HS6ST3: variants seen among roughly 807,000 people sequenced by gnomAD.
HS6ST3 encodes heparan-sulfate 6-O-sulfotransferase 3.
A neutral mutation model predicts 36.7 loss-of-function variants in HS6ST3; 12 were observed. The ratio of observed to expected loss-of-function variants is 0.33; its 90% CI spans 0.21 to 0.53. The LOEUF is 0.53. Among genes scored for constraint, HS6ST3 ranks in the 20% least tolerant of loss-of-function variants. The pLI is 0.95. For synonymous variants in HS6ST3, 240 were observed against 257.5 expected (o/e 0.93, Z 0.65); for missense variants, 584 against 640.9 (o/e 0.91, Z 0.96).
chr13:96,294,284 A>G (rs1035747558), intron 1 of HS6ST3, among the ~76,000 whole-genome samples: 56 of 152,212 alleles, frequency 3.7e-4, no homozygotes, highest in African/African-American at 1.4e-3. Flanking sequence ...ATTTCTATAT[A>G]GGTATCTTGA....
At chr13:96,174,077 G>GT (rs945997380) in intron 1 of HS6ST3, among the ~76,000 whole-genome samples, 2 of 152,068 alleles carry the variant, frequency 1.3e-5, no homozygotes, top group Non-Finnish European at 2.9e-5. Flanking sequence ...TGGGAAACAG[G>GT]TTATAAGTGA....
chr13:96,816,907 T>A (rs75596621), intron 1 of HS6ST3, among the ~76,000 whole-genome samples: 1 of 152,314 alleles, frequency 6.6e-6, no homozygotes, highest in Non-Finnish European at 1.5e-5. Flanking sequence ...TCGTGTTCTC[T>A]CTTCTGCTGG....
intron 1 of HS6ST3, among the ~76,000 whole-genome samples, chr13:96,408,277 T>C (rs963037160): frequency 6.6e-5 from 10 of 152,022 alleles, no homozygotes; most frequent in African/African-American, 2.4e-4. Context: ...GTATGATCAA[T>C]TCCCCTCCCC....
chr13:96,443,187 T>C (rs918571393), intron 1 of HS6ST3, among the ~76,000 whole-genome samples: 2 of 148,650 alleles, frequency 1.3e-5, no homozygotes. Context: ...TGAAAAATGA[T>C]TTTTTTTGTA....
chr13:96,689,648 G>A (rs1874888658), intron 1 of HS6ST3, among the ~76,000 whole-genome samples: 1 of 123,432 alleles, frequency 8.1e-6, no homozygotes, highest in Non-Finnish European at 1.6e-5. Flanking sequence ...ATTGGCATAT[G>A]AAAATAAGAA....
intron 1 of HS6ST3, among the ~76,000 whole-genome samples, chr13:96,116,135 A>G (rs2083152985): frequency 6.6e-6 from 1 of 152,212 alleles, no homozygotes; most frequent in Admixed American, 6.5e-5. Context: ...GGTGACAGGA[A>G]GAGTCATAAG....
intron 1 of HS6ST3, among the ~76,000 whole-genome samples, chr13:96,478,686 A>G (rs2055875760): frequency 1.3e-5 from 2 of 152,154 alleles, no homozygotes; most frequent in African/African-American, 4.8e-5. Flanking sequence ...CCTCTCACTC[A>G]GTGCCTGTTT....
At chr13:96,168,629 A>C (rs893509197) in intron 1 of HS6ST3, among the ~76,000 whole-genome samples, 1 of 151,154 alleles carries the variant, frequency 6.6e-6, no homozygotes, top group African/African-American at 2.4e-5. Context: ...GCTAGACCCC[A>C]GGTAGAGACT....
intron 1 of HS6ST3, among the ~76,000 whole-genome samples, chr13:96,126,715 A>G (rs552342398): frequency 1.3e-5 from 2 of 152,330 alleles, no homozygotes; most frequent in Non-Finnish European, 2.9e-5. Context: ...GTACTCCCCA[A>G]TCTGCGACTC....
intron 1 of HS6ST3, among the ~76,000 whole-genome samples, chr13:96,394,197 C>T (rs1440994152): frequency 6.6e-6 from 1 of 152,096 alleles, no homozygotes; most frequent in Non-Finnish European, 1.5e-5. Flanking sequence ...GTAGCTGAGG[C>T]CCGTTTACAT....
At chr13:96,689,562 G>A (rs909312622) in intron 1 of HS6ST3, among the ~76,000 whole-genome samples, 3 of 149,180 alleles carry the variant, frequency 2.0e-5, no homozygotes, top group African/African-American at 4.9e-5. Context: ...TTGCTTAGTC[G>A]TCAGGATCAC....
At chr13:96,635,013 G>A (rs1324081917) in intron 1 of HS6ST3, among the ~76,000 whole-genome samples, 5 of 152,070 alleles carry the variant, frequency 3.3e-5, no homozygotes, top group Admixed American at 1.3e-4. Context: ...CCCATTCTGC[G>A]TGTTCTTGAT....
intron 1 of HS6ST3, among the ~76,000 whole-genome samples, chr13:96,793,850 G>C (rs186555843): frequency 1.3e-5 from 2 of 152,154 alleles, no homozygotes; most frequent in Non-Finnish European, 2.9e-5. Flanking sequence ...GAAGTCTACA[G>C]AGCTTGGGAT....
At chr13:96,117,867 T>G (rs1225932575) in intron 1 of HS6ST3, among the ~76,000 whole-genome samples, 2 of 151,884 alleles carry the variant, frequency 1.3e-5, no homozygotes, top group African/African-American at 4.8e-5. Flanking sequence ...TACCTTAGAA[T>G]GTGACTTTTT....
At chr13:96,593,609 C>T (rs1337576877) in intron 1 of HS6ST3, among the ~76,000 whole-genome samples, 1 of 151,632 alleles carries the variant, frequency 6.6e-6, no homozygotes, top group Non-Finnish European at 1.5e-5. Context: ...CTTCATTTTT[C>T]AGCTCCAGAA....
chr13:96,217,207 C>T (rs1426967162), intron 1 of HS6ST3, among the ~76,000 whole-genome samples: 1 of 152,186 alleles, frequency 6.6e-6, no homozygotes, highest in Non-Finnish European at 1.5e-5. Context: ...GGGGGTCTGA[C>T]AGTAGCATTT....
intron 1 of HS6ST3, among the ~76,000 whole-genome samples, chr13:96,621,821 A>G (rs993596461): frequency 1.3e-5 from 2 of 152,232 alleles, no homozygotes; most frequent in African/African-American, 4.8e-5. Flanking sequence ...TTTACTCAGC[A>G]AAGTCAGGTT....
chr13:96,235,254 G>C (rs72642944), intron 1 of HS6ST3, among the ~76,000 whole-genome samples: 4,467 of 152,188 alleles, frequency 0.029, 152 homozygotes, highest in Admixed American at 0.11. Flanking sequence ...ATTTATGATT[G>C]CTAGTCGAAA....
At chr13:96,276,864 C>T (rs1025635703) in intron 1 of HS6ST3, among the ~76,000 whole-genome samples, 2 of 152,084 alleles carry the variant, frequency 1.3e-5, no homozygotes, top group African/African-American at 4.8e-5. Context: ...TGAAAAGCAC[C>T]ATGTATTAGT....
Sources: gnomAD v4.1 joint callset for allele counts (sites outside exome capture counted in the v4.1 genomes callset) on GRCh38, gnomAD v4.1.1 for gene constraint, MANE v1.5 for transcripts, NCBI Gene and HGNC (gene_info 2026-07-23, HGNC 2026-07-21) for gene names.